CTNNA2: variants seen among roughly 807,000 people sequenced by gnomAD.
The protein encoded by CTNNA2 is catenin alpha 2.
A neutral mutation model predicts 101.0 loss-of-function variants in CTNNA2; 42 were observed. That is an observed-to-expected ratio of 0.42 (90% CI 0.32 to 0.54). The LOEUF is 0.54. CTNNA2 is among the 20% of genes least tolerant of loss of function. The pLI is 0.14. For missense variants in CTNNA2, 871 were observed against 1,223.1 expected (o/e 0.71, Z 4.29); for synonymous variants, 450 against 456.4 (o/e 0.99, Z 0.18).
chr2:80,358,343 C>CTTTTTTTT (rs35040432), intron 7 of CTNNA2, among the ~76,000 whole-genome samples: 15 of 99,716 alleles, frequency 1.5e-4, no homozygotes, highest in Non-Finnish European at 2.3e-4. Flanking sequence ...TAGTATTCTA[C>CTTTTTTTT]TTTTTTTTTT....
intron 1 of CTNNA2, among the ~76,000 whole-genome samples, chr2:79,602,201 G>T (rs1315711079): frequency 6.6e-6 from 1 of 152,134 alleles, no homozygotes; most frequent in East Asian, 1.9e-4. Flanking sequence ...GACCAAGTAG[G>T]ATTTATCTCA....
rs113197851 is a variant in CTNNA2 at position 79,757,710 on chromosome 2, G to A, written c.298+13128G>A. Among the ~76,000 whole-genome samples the A allele has an allele frequency of 4.8e-3, 737 of 152,234 alleles. 5 individuals carry two copies. The highest frequency in any genetic ancestry group is 0.017 in the African/African-American group (695 of 41,538). On this transcript the variant is annotated intron_variant, in intron 3 of 18. Transcript: ENST00000402739. ...AGCCACAGGTGGCTCAATGGGTGGG[G>A]CTTGCTTTGCAGTAGAGTCCAGGTT...
At chr2:80,394,853 A>AT (rs1253099516) in intron 8 of CTNNA2, among the ~76,000 whole-genome samples, 1 of 152,062 alleles carries the variant, frequency 6.6e-6, no homozygotes, top group African/African-American at 2.4e-5. Flanking sequence ...ATAATCACAG[A>AT]TTTTTAAAAG....
At chr2:80,317,376 C>A (rs1223987172) in intron 7 of CTNNA2, among the ~76,000 whole-genome samples, 1 of 152,136 alleles carries the variant, frequency 6.6e-6, no homozygotes, top group African/African-American at 2.4e-5. Context: ...TGAGATCCTT[C>A]CACTTTCAGA....
In CTNNA2 at chr2:79,743,205, G is replaced by A. The variant is rs571774137; in HGVS notation, c.103-1182G>A. Among the ~76,000 whole-genome samples, 5 of 151,812 alleles carry A rather than the reference G, an allele frequency of 3.3e-5. No homozygotes were observed. The South Asian group carries it at 1.0e-3, about 32-fold the overall frequency. On this transcript the variant is annotated intron_variant, in intron 2 of 18. Coordinates refer to ENST00000402739, the MANE Select transcript of CTNNA2 (RefSeq NM_001282597.3). ...AAAAAATACAGCAGTAAACATGACT[G>A]GCAACTTTTGTTGAACAGAATATGG...
intron 1 of CTNNA2, among the ~76,000 whole-genome samples, chr2:79,573,218 C>A (rs559975625): frequency 2.0e-5 from 3 of 152,296 alleles, no homozygotes; most frequent in Admixed American, 2.0e-4. Flanking sequence ...CAAGAGAATG[C>A]TATTCCTTAC....
intron 4 of CTNNA2, among the ~76,000 whole-genome samples, chr2:79,406,487 G>T (rs919512091): frequency 1.3e-5 from 2 of 152,040 alleles, no homozygotes; most frequent in African/African-American, 4.8e-5. Context: ...TTTAAATTCT[G>T]GGGTCTTTTC....
At chr2:79,286,483 T>C (rs1461582219) in intron 2 of CTNNA2, among the ~76,000 whole-genome samples, 2 of 151,570 alleles carry the variant, frequency 1.3e-5, no homozygotes, top group Non-Finnish European at 3.0e-5. Flanking sequence ...TGCTTGTCTG[T>C]AAAGTATTTT....
At chr2:79,277,863 T>C (rs1201328933) in intron 2 of CTNNA2, among the ~76,000 whole-genome samples, 1 of 152,048 alleles carries the variant, frequency 6.6e-6, no homozygotes, top group East Asian at 1.9e-4. Context: ...ATAAAGTACA[T>C]TTTGACCTAA....
At chr2:80,313,444 G>A (rs1242368827) in intron 7 of CTNNA2, 1 of 1,492,918 alleles carries the variant, frequency 6.7e-7, no homozygotes, top group Non-Finnish European at 8.9e-7. Flanking sequence ...TGGAGATGAT[G>A]AGTAACAAAC....
At chr2:80,639,531 G>GTGTGTGTGTGTGTGTGTGTGTGTC (rs1259017413) in intron 18 of CTNNA2, among the ~76,000 whole-genome samples, 2 of 152,018 alleles carry the variant, frequency 1.3e-5, no homozygotes, top group East Asian at 3.9e-4. Context: ...GTGTGTGTGT[G>GTGTGTGTGTGTGTGTGTGTGTGTC]TGTGTGTGTC....
chr2:79,341,612 G>C (rs1162944528), intron 3 of CTNNA2, among the ~76,000 whole-genome samples: 1 of 152,176 alleles, frequency 6.6e-6, no homozygotes, highest in Non-Finnish European at 1.5e-5. Flanking sequence ...AGCAACCTTG[G>C]AAGACAGAAT....
intron 7 of CTNNA2, among the ~76,000 whole-genome samples, chr2:80,306,729 G>T (rs943553380): frequency 6.6e-6 from 1 of 151,946 alleles, no homozygotes. Context: ...CACCCGCAGG[G>T]TTAAACAGCG....
chr2:80,515,923 G>T (rs748423819), intron 9 of CTNNA2, among the ~76,000 whole-genome samples: 38 of 152,158 alleles, frequency 2.5e-4, no homozygotes, highest in Non-Finnish European at 5.1e-4. Context: ...CAGATCAAAG[G>T]AACCAGTTTT....
chr2:80,514,247 A>T, intron 9 of CTNNA2, among the ~76,000 whole-genome samples: 1 of 152,122 alleles, frequency 6.6e-6, no homozygotes, highest in East Asian at 1.9e-4. Flanking sequence ...CAAGTACAGG[A>T]TCCAGCTGTC....
At chr2:79,997,968 T>C (rs111811566) in intron 7 of CTNNA2, among the ~76,000 whole-genome samples, 4 of 152,274 alleles carry the variant, frequency 2.6e-5, no homozygotes, top group African/African-American at 9.6e-5. Context: ...TAGACAGCAG[T>C]GTGGGTGATA....
At chr2:79,869,960 G>A (rs1173581351) in intron 5 of CTNNA2, 25 bp downstream of exon 5, 1 of 1,611,158 alleles carries the variant, frequency 6.2e-7, no homozygotes, top group Non-Finnish European at 8.5e-7. Context: ...AGAAATGCTA[G>A]GGGAGAAAAT....
chr2:79,817,521 A>G (rs776736882), intron 3 of CTNNA2, among the ~76,000 whole-genome samples: 4 of 151,860 alleles, frequency 2.6e-5, no homozygotes, highest in African/African-American at 7.3e-5. Context: ...CTCTAACCAC[A>G]TTGAACCATG....
intron 4 of CTNNA2, among the ~76,000 whole-genome samples, chr2:79,449,565 G>T (rs1678867155): frequency 6.6e-6 from 1 of 151,944 alleles, no homozygotes; most frequent in African/African-American, 2.4e-5. Flanking sequence ...AATAAAAGAA[G>T]TACCATCAAT....
Sources: allele counts gnomAD v4.1 joint callset (sites outside exome capture counted in the v4.1 genomes callset), GRCh38; gene constraint gnomAD v4.1.1; transcripts MANE v1.5; gene names NCBI Gene and HGNC (gene_info 2026-07-23, HGNC 2026-07-21).